The following COLGALT1 variants were observed in gnomAD, a reference collection of about 807,000 sequenced individuals.
COLGALT1 encodes collagen beta(1-O)galactosyltransferase 1.
Under a neutral mutation model 60.8 loss-of-function variants are expected in COLGALT1, and 43 were observed. The ratio of observed to expected loss-of-function variants is 0.71; its 90% confidence interval spans 0.55 to 0.91. The LOEUF is 0.91. Ranked by LOEUF, COLGALT1 falls within the 40% of genes least tolerant of loss-of-function variation. The pLI is 0.00. For synonymous variants in COLGALT1, 369 were observed against 374.2 expected, an observed-to-expected ratio of 0.99 and a Z score of 0.16; for missense variants, 845 against 880.0, an observed-to-expected ratio of 0.96 and a Z score of 0.50.
Position 17,571,355 on chromosome 19 carries a change from C to T in COLGALT1, c.830-1128C>T, listed in dbSNP as rs577883188. On this transcript the variant is annotated intron_variant, in intron 5 of 11. Transcript: ENST00000252599. ...TTGTTTGAACCCAGGAGGCAGTGAA[C>T]GGAGATCACACCACTGCAATCCAGC... 5.3e-5 allele frequency among the ~76,000 whole-genome samples: 8 copies of T among 150,688 alleles called. No individual in the cohort carries two copies. The South Asian group carries it at 6.3e-4, about 12-fold the overall frequency.
In COLGALT1 at chr19:17,581,159, C is replaced by CCCT; in HGVS notation, c.1602-9_1602-7dup. On this transcript the variant is annotated splice_polypyrimidine_tract_variant and intron_variant, in intron 11 of 11. Transcript: ENST00000252599. ...CTGAAGCCATTGCTGCCCCTCACTCCCCTCCTCCTCCCCCCAGGTCCGAGT... is the reference window on the plus strand; with the variant it reads ...CTGAAGCCATTGCTGCCCCTCACTCCCCTCCTCCTCCTCCCCCCAGGTCCGAGT... 1.2e-6 allele frequency: 2 copies of CCCT among 1,601,856 alleles called. No individual in the cohort carries two copies. Among genetic ancestry groups the CCCT allele is most frequent in the Non-Finnish European group, 1.7e-6 (2 of 1,175,086 alleles).
intron 1 of COLGALT1, 145 bp from the exon 2 acceptor site, chr19:17,559,166 A>C: frequency 1.5e-6 from 1 of 672,370 alleles, no homozygotes; most frequent in Non-Finnish European, 2.7e-6. Context: ...TCTCAAAAAA[A>C]AACAAAGGAA....
At chr19:17,563,967 G>A (rs1054491857) in intron 3 of COLGALT1, among the ~76,000 whole-genome samples, 1 of 151,964 alleles carries the variant, frequency 6.6e-6, no homozygotes, top group African/African-American at 2.4e-5. Context: ...AGCTGGGTGT[G>A]TCTCACGCCT....
At position 17,577,383 on chromosome 19, in the gene COLGALT1, G is replaced by A. The variant is rs1253933577; in HGVS notation, c.1049G>A (p.Arg350Gln). The stretch of plus-strand genomic sequence containing the variant: ...CAGGTCTTCATGATCAACCTGAGGC[G>A]GCGGCAGGACCGGCGGGAGCGCATG... ...FDEVFMINLR[R>Q]RQDRRERMLR... is the part of the protein sequence containing the mutation. The change falls in exon 8 of 12, where the codon CGG becomes CAG. Residue 350 changes from arginine (R) to glutamine (Q), a missense_variant. Physicochemically the swap from Arg to Gln is conservative, Grantham distance 43. Transcript: ENST00000252599. 2.5e-6 allele frequency: 4 copies of A among 1,595,540 alleles called. No homozygotes were observed. The highest frequency in any genetic ancestry group is 2.3e-5 in the East Asian group (1 of 44,350).
chr19:17,559,565 C>T, intron 2 of COLGALT1, 144 bp downstream of exon 2: 1 of 652,402 alleles, frequency 1.5e-6, no homozygotes, highest in Non-Finnish European at 2.8e-6. Context: ...TACTCTGAGC[C>T]TCCCTCAGCT....
intron 1 of COLGALT1, among the ~76,000 whole-genome samples, chr19:17,558,169 C>G (rs2076224821): frequency 6.6e-6 from 1 of 150,624 alleles, no homozygotes; most frequent in Non-Finnish European, 1.5e-5. Flanking sequence ...AAACTCCTGG[C>G]CTCAAGTGAT....
In COLGALT1 at chr19:17,581,582, C is replaced by CT. The variant is rs2048093039; in HGVS notation, c.*139dup. 1.7e-6 allele frequency: 2 copies of CT among 1,158,770 alleles called. No homozygotes were observed. The highest frequency in any genetic ancestry group is 3.1e-5 in the African/African-American group (2 of 64,464). 71.8% of individuals were successfully genotyped at this position (1,158,770 alleles called of 1,614,324 possible). A position where few individuals can be genotyped will look rare whatever the true frequency, so the allele number is the denominator to read the frequency against. On this transcript the variant is annotated 3_prime_UTR_variant, in exon 12 of 12. Coordinates refer to ENST00000252599, the MANE Select transcript of COLGALT1 (RefSeq NM_024656.4). ...TGGGGTGGTGTCCAGCCAGCTCTTG[C>CT]TAAGCAATCACGTGCACACAGGCAG...
chr19:17,557,387 C>T (rs561754145), intron 1 of COLGALT1, among the ~76,000 whole-genome samples: 3 of 152,210 alleles, frequency 2.0e-5, no homozygotes, highest in South Asian at 2.1e-4. Context: ...TTGCAACCTC[C>T]GCCTCCGGGT....
chr19:17,569,891 C>CCTTTTTTTTTTTTTT (rs749016124), intron 5 of COLGALT1, among the ~76,000 whole-genome samples: 1 of 98,740 alleles, frequency 1.0e-5, no homozygotes, highest in Non-Finnish European at 1.9e-5. Context: ...CCACTAATTA[C>CCTTTTTTTTTTTTTT]TTTTTTTTTT....
intron 6 of COLGALT1, 97 bp from the exon 7 acceptor site, chr19:17,577,098 A>C (rs1190565298): frequency 4.8e-6 from 6 of 1,244,236 alleles, no homozygotes; most frequent in African/African-American, 1.5e-5. Context: ...GGGCCGAGCC[A>C]GTCTGACTGG....
At chr19:17,561,185 C>T (rs1005694990) in intron 3 of COLGALT1, among the ~76,000 whole-genome samples, 8 of 150,726 alleles carry the variant, frequency 5.3e-5, no homozygotes, top group African/African-American at 7.3e-5. Context: ...AGTCACTGGG[C>T]GACACAGTGA....
chr19:17,572,281 C>T (rs775131173), intron 5 of COLGALT1, among the ~76,000 whole-genome samples: 7 of 150,934 alleles, frequency 4.6e-5, no homozygotes, highest in Non-Finnish European at 1.0e-4. Context: ...GCACTCCAGC[C>T]TGGGAGAGTG....
intron 6 of COLGALT1, among the ~76,000 whole-genome samples, chr19:17,575,291 G>A (rs2076334673): frequency 6.6e-6 from 1 of 152,146 alleles, no homozygotes; most frequent in African/African-American, 2.4e-5. Flanking sequence ...TGTCTCCCAG[G>A]CTGGAGTGCA....
intron 5 of COLGALT1, among the ~76,000 whole-genome samples, chr19:17,569,891 C>CTATTTTTTT (rs2076301919): frequency 5.1e-5 from 5 of 98,738 alleles, no homozygotes; most frequent in Non-Finnish European, 1.9e-5. Flanking sequence ...CCACTAATTA[C>CTATTTTTTT]TTTTTTTTTT....
chr19:17,571,095 T>C (rs1424851210), intron 5 of COLGALT1, among the ~76,000 whole-genome samples: 1 of 152,110 alleles, frequency 6.6e-6, no homozygotes, highest in Non-Finnish European at 1.5e-5. Flanking sequence ...ACTTACCACC[T>C]GGCCCTTTAT....
intron 1 of COLGALT1, among the ~76,000 whole-genome samples, chr19:17,557,903 G>T (rs2144813028): frequency 6.6e-6 from 1 of 151,750 alleles, no homozygotes; most frequent in Middle Eastern, 3.5e-3. Flanking sequence ...CACCCAGCTG[G>T]TTTCTGATAT....
intron 3 of COLGALT1, among the ~76,000 whole-genome samples, chr19:17,561,088 C>G (rs1333512142): frequency 2.7e-5 from 4 of 150,902 alleles, no homozygotes; most frequent in Non-Finnish European, 4.4e-5. Context: ...GCCTGTAATC[C>G]CGGCTACCTG....
chr19:17,566,550 C>T (rs1213726858), intron 3 of COLGALT1, among the ~76,000 whole-genome samples: 2 of 151,984 alleles, frequency 1.3e-5, no homozygotes, highest in African/African-American at 4.8e-5. Context: ...TATTGTAGGC[C>T]ATGGGGAGGA....
Position 17,572,594 on chromosome 19 carries a change from A to T in COLGALT1, c.941A>T (p.Glu314Val). Reference protein sequence around the residue: ...EAESFMHVQLEVMVKHPPAEP... With the variant: ...EAESFMHVQLVVMVKHPPAEP... Reference sequence around the variant, plus strand: ...GAGAGCTTCATGCATGTGCAGCTGGAGGTCATGGGTGAGTCTGCCTGCACA... The same window carrying T: ...GAGAGCTTCATGCATGTGCAGCTGGTGGTCATGGGTGAGTCTGCCTGCACA... The change falls in exon 6 of 12, where the codon GAG becomes GTG. Residue 314 changes from glutamate to valine, a missense_variant. By Grantham distance (121) the Glu-to-Val change is moderately radical. Transcript: ENST00000252599. The T allele has an allele frequency of 6.2e-7, 1 of 1,613,934 alleles. No individual in the cohort carries two copies. The highest frequency in any genetic ancestry group is 8.5e-7 in the Non-Finnish European group (1 of 1,180,024).
Sources: allele counts gnomAD v4.1 joint callset (sites outside exome capture counted in the v4.1 genomes callset), GRCh38; gene constraint gnomAD v4.1.1; transcripts MANE v1.5; gene names NCBI Gene and HGNC (gene_info 2026-07-23, HGNC 2026-07-21).